The following PRKN variants were observed in gnomAD, a reference collection of about 807,000 sequenced individuals.
The protein encoded by PRKN is parkin RBR E3 ubiquitin protein ligase.
In PRKN, 56 loss-of-function variants were observed where a neutral mutation model predicts 59.5. The ratio of observed to expected loss-of-function variants is 0.94; its 90% confidence interval spans 0.76 to 1.18. PRKN has a LOEUF of 1.18. Among genes scored for constraint, PRKN ranks in the 50% most tolerant of loss-of-function variants. The probability of loss-of-function intolerance (pLI) is 0.00; values close to 1 mark genes in which losing one functional copy is unlikely to be tolerated. For missense variants in PRKN, 657 were observed against 596.4 expected (o/e 1.10, Z -1.06); for synonymous variants, 250 against 222.1 (o/e 1.13, Z -1.12).
intron 2 of PRKN, among the ~76,000 whole-genome samples, chr6:162,415,971 C>A (rs189330808): frequency 6.6e-6 from 1 of 152,232 alleles, no homozygotes; most frequent in East Asian, 1.9e-4. Flanking sequence ...ACGCTGAATT[C>A]TGTTGTTTAG....
At chr6:161,430,150 G>A (rs1302099893) in intron 9 of PRKN, among the ~76,000 whole-genome samples, 2 of 152,124 alleles carry the variant, frequency 1.3e-5, no homozygotes, top group Non-Finnish European at 2.9e-5. Context: ...TGTCAACAGA[G>A]GGAGACATTG....
At chr6:161,631,294 C>G (rs1327609769) in intron 7 of PRKN, among the ~76,000 whole-genome samples, 3 of 152,232 alleles carry the variant, frequency 2.0e-5, no homozygotes, top group Non-Finnish European at 4.4e-5. Context: ...CTTTACCAAG[C>G]ATTTAACATC....
At chr6:162,290,616 C>T (rs906038321) in intron 2 of PRKN, among the ~76,000 whole-genome samples, 1 of 151,962 alleles carries the variant, frequency 6.6e-6, no homozygotes, top group African/African-American at 2.4e-5. Context: ...AATATTATGA[C>T]AATATTAATG....
chr6:161,519,171 C>T (rs1446223535), intron 9 of PRKN, among the ~76,000 whole-genome samples: 2 of 151,802 alleles, frequency 1.3e-5, no homozygotes, highest in Non-Finnish European at 2.9e-5. Flanking sequence ...AGGGGGTCTG[C>T]CTTTCCAAGC....
intron 2 of PRKN, among the ~76,000 whole-genome samples, chr6:162,398,646 T>C (rs2128148449): frequency 6.6e-6 from 1 of 152,332 alleles, no homozygotes; most frequent in East Asian, 1.9e-4. Context: ...CGCCTCAGCC[T>C]CCCAAAGTGC....
At chr6:162,536,496 A>T (rs1454203785) in intron 1 of PRKN, among the ~76,000 whole-genome samples, 1 of 152,124 alleles carries the variant, frequency 6.6e-6, no homozygotes, top group African/African-American at 2.4e-5. Context: ...CATGGAACTC[A>T]GTAGAGAAAG....
intron 3 of PRKN, among the ~76,000 whole-genome samples, chr6:162,223,550 C>T (rs1196192685): frequency 6.6e-6 from 1 of 150,376 alleles, no homozygotes; most frequent in Non-Finnish European, 1.5e-5. Context: ...TAAATCAATG[C>T]TTGATTAAAT....
intron 7 of PRKN, among the ~76,000 whole-genome samples, chr6:161,668,266 GAAAA>G (rs11386769): frequency 5.8e-4 from 70 of 121,612 alleles, no homozygotes; most frequent in African/African-American, 2.1e-3. Flanking sequence ...TTCATATAAA[GAAAA>G]AAAAAAAAAG....
intron 2 of PRKN, among the ~76,000 whole-genome samples, chr6:162,386,100 T>C (rs539428255): frequency 3.2e-4 from 48 of 152,284 alleles, no homozygotes; most frequent in African/African-American, 1.1e-3. Context: ...AACCATCTCC[T>C]AGTGACTCAA....
intron 1 of PRKN, among the ~76,000 whole-genome samples, chr6:162,622,698 T>C (rs1389833760): frequency 6.6e-6 from 1 of 152,188 alleles, no homozygotes; most frequent in South Asian, 2.1e-4. Context: ...GTAATTCATA[T>C]TGTTTCATCT....
At chr6:162,397,980 T>A (rs566942369) in intron 2 of PRKN, among the ~76,000 whole-genome samples, 1 of 146,962 alleles carries the variant, frequency 6.8e-6, no homozygotes, top group Admixed American at 7.0e-5. Context: ...GACGTTGCAG[T>A]GAGCTGGGAT....
At chr6:162,632,525 A>G (rs940333197) in intron 1 of PRKN, among the ~76,000 whole-genome samples, 6 of 152,184 alleles carry the variant, frequency 3.9e-5, no homozygotes, top group African/African-American at 1.4e-4. Flanking sequence ...GCATGGGTTG[A>G]AAAACTACCT....
intron 1 of PRKN, among the ~76,000 whole-genome samples, chr6:162,660,070 T>A (rs772797532): frequency 3.9e-5 from 6 of 152,198 alleles, no homozygotes; most frequent in Non-Finnish European, 8.8e-5. Flanking sequence ...TTCTCACTAC[T>A]AGAATGTTGA....
At chr6:161,902,112 A>T (rs553650848) in intron 6 of PRKN, among the ~76,000 whole-genome samples, 1 of 152,306 alleles carries the variant, frequency 6.6e-6, no homozygotes, top group East Asian at 1.9e-4. Flanking sequence ...TTGACTTGAG[A>T]AAAATAGGAG....
intron 3 of PRKN, among the ~76,000 whole-genome samples, chr6:162,207,479 C>T (rs1275822450): frequency 6.6e-6 from 1 of 152,174 alleles, no homozygotes; most frequent in Non-Finnish European, 1.5e-5. Context: ...GCTTCATTAT[C>T]TCACTAGAAA....
chr6:162,277,490 A>C (rs1780684197), intron 2 of PRKN, among the ~76,000 whole-genome samples: 1 of 152,198 alleles, frequency 6.6e-6, no homozygotes, highest in Admixed American at 6.5e-5. Context: ...TACTAAAGCA[A>C]AATAAAGATA....
chr6:162,338,574 A>G (rs1466199090), intron 2 of PRKN, among the ~76,000 whole-genome samples: 3 of 152,112 alleles, frequency 2.0e-5, no homozygotes, highest in Non-Finnish European at 2.9e-5. Context: ...CCCAGGCTGG[A>G]GTGCAGTGGC....
chr6:162,074,026 GT>G, intron 4 of PRKN, among the ~76,000 whole-genome samples: 1 of 150,130 alleles, frequency 6.7e-6, no homozygotes, highest in African/African-American at 2.5e-5. Context: ...CTTTTACACT[GT>G]TGGTGGGATT....
At chr6:162,668,370 C>T (rs144176943) in intron 1 of PRKN, among the ~76,000 whole-genome samples, 147 of 152,186 alleles carry the variant, frequency 9.7e-4, no homozygotes, top group African/African-American at 3.4e-3. Context: ...GTTACTCTCC[C>T]GGTGGAATAA....
Sources: allele counts gnomAD v4.1 joint callset (sites outside exome capture counted in the v4.1 genomes callset), GRCh38; gene constraint gnomAD v4.1.1; transcripts MANE v1.5; gene names NCBI Gene and HGNC (gene_info 2026-07-23, HGNC 2026-07-21).